The following INO80C variants were observed in gnomAD, a reference collection of about 807,000 sequenced individuals.
INO80C encodes the protein IES6 homolog.
A neutral mutation model predicts 17.7 loss-of-function variants in INO80C; 17 were observed. The ratio of observed to expected loss-of-function variants is 0.96; its 90% CI spans 0.66 to 1.44. The LOEUF (loss-of-function observed/expected upper bound fraction) is 1.44. Ranked by LOEUF, INO80C falls within the 40% of genes most tolerant of loss-of-function variation. The pLI, the probability that INO80C is intolerant of heterozygous loss-of-function variation, is 0.00. For synonymous variants in INO80C, 96 were observed against 95.8 expected (o/e 1.00, Z -0.01); for missense variants, 244 against 245.0 (o/e 1.00, Z 0.03).
At chr18:35,474,023 T>C (rs899867865) in intron 4 of INO80C, among the ~76,000 whole-genome samples, 2 of 151,506 alleles carry the variant, frequency 1.3e-5, no homozygotes, top group Non-Finnish European at 2.9e-5. Context: ...AACTTGTAGA[T>C]GCAAAGAAAC....
rs959878403 is a variant in INO80C, at chr18:35,497,394, C to G, written c.156+325G>C. The G allele has an allele frequency of 5.5e-6, 6 of 1,097,374 alleles. 1 individual carries two copies. The highest frequency in any genetic ancestry group is 9.8e-5 in the Admixed American group (2 of 20,478). 68.0% of individuals were successfully genotyped at this position (1,097,374 alleles called of 1,614,324 possible). A position where few individuals can be genotyped will look rare whatever the true frequency, so the allele number is the denominator to read the frequency against. On this transcript the variant is annotated intron_variant, in intron 1 of 4. Transcript: ENST00000334598. ...CTGCAGAATGGACGAGGGGAAGACA[C>G]GCAAATTTCTGAATGACTGACACTC...
At position 35,489,488 on chromosome 18, in the gene INO80C, A is replaced by T. The variant is rs1054138326; in HGVS notation, c.156+8231T>A. Reference sequence around the variant, plus strand: ...GAGGATTATTCACTACCATGAGAACAGTATGGGAGAAACTGCCCCCATGAT... The same window carrying T: ...GAGGATTATTCACTACCATGAGAACTGTATGGGAGAAACTGCCCCCATGAT... On this transcript the variant is annotated intron_variant, in intron 1 of 4. Transcript: ENST00000334598. The T allele has an allele frequency of 5.1e-5, 8 of 156,882 alleles. No homozygotes were observed. In the Admixed American group the frequency reaches 5.2e-4, roughly 10 times the overall value. The allele number at this position is 156,882 out of a possible 1,614,324, so 9.7% of individuals were successfully genotyped here.
intron 1 of INO80C, among the ~76,000 whole-genome samples, chr18:35,481,484 G>A (rs754922702): frequency 1.2e-4 from 19 of 152,160 alleles, no homozygotes; most frequent in Non-Finnish European, 2.2e-4. Context: ...AACGGCAACC[G>A]CTGTTCTAAT....
rs1296097038 is a variant in INO80C, at chr18:35,468,776, G to A, written c.448-34C>T. On this transcript the variant is annotated intron_variant, in intron 4 of 4. Transcript: ENST00000334598. ...AAAGAGGCACAGGGAAGGGCAGAAA[G>A]TTTTTGCTGGTAGGGATATTTTAAG... 2.5e-6 allele frequency: 4 copies of A among 1,594,452 alleles called. No homozygotes were observed. In the Admixed American group the frequency reaches 6.9e-5, roughly 27 times the overall value.
chr18:35,488,132 T>C (rs1013416747), intron 1 of INO80C, among the ~76,000 whole-genome samples: 8 of 152,224 alleles, frequency 5.3e-5, no homozygotes, highest in African/African-American at 1.9e-4. Context: ...GTTGAGTGTC[T>C]GTGTCTTTTC....
chr18:35,485,342 T>C (rs1402542728), intron 1 of INO80C, among the ~76,000 whole-genome samples: 1 of 152,130 alleles, frequency 6.6e-6, no homozygotes, highest in African/African-American at 2.4e-5. Context: ...AAATCCAGAA[T>C]ATATGAAGAA....
chr18:35,476,769 T>C lies in INO80C; in HGVS notation c.447+1513A>G, dbSNP rs2045742144. 1.3e-5 allele frequency among the ~76,000 whole-genome samples: 2 copies of C among 152,016 alleles called. 1 individual carries two copies. Among genetic ancestry groups the C allele is most frequent in the South Asian group, 4.1e-4 (2 of 4,822 alleles). ...TAATCCCAGCACTTTGAGAGGCTGA[T>C]GTTGGGAGATCACTTGAGCCAAGGA... On this transcript the variant is annotated intron_variant, in intron 4 of 4. Transcript: ENST00000334598.
chr18:35,477,159 G>A (rs560429029), intron 4 of INO80C, among the ~76,000 whole-genome samples: 2 of 152,314 alleles, frequency 1.3e-5, no homozygotes, highest in East Asian at 1.9e-4. Context: ...CAGGATAATC[G>A]CTTGAACCCA....
chr18:35,492,703 C>T (rs1453887390), intron 1 of INO80C, among the ~76,000 whole-genome samples: 1 of 152,016 alleles, frequency 6.6e-6, no homozygotes, highest in Non-Finnish European at 1.5e-5. Flanking sequence ...ATCTGGCTGC[C>T]CCTCCAATTA....
At chr18:35,487,076 A>T (rs547740359) in intron 1 of INO80C, among the ~76,000 whole-genome samples, 8 of 152,338 alleles carry the variant, frequency 5.3e-5, no homozygotes, top group African/African-American at 1.9e-4. Context: ...ATAACTTTAC[A>T]TTGGAGAAAC....
chr18:35,470,352 T>TATAAA (rs34999022), intron 4 of INO80C, among the ~76,000 whole-genome samples: 59,556 of 151,752 alleles, frequency 0.39, 11,963 homozygotes, highest in East Asian at 0.6. Flanking sequence ...AATGGCTCTA[T>TATAAA]ATAAAACTTC....
At chr18:35,497,374 G>T (rs534915773) in intron 1 of INO80C, 4 of 1,072,354 alleles carry the variant, frequency 3.7e-6, no homozygotes, top group Admixed American at 1.0e-4. Context: ...GATGTCTGCA[G>T]AATGGACGAG....
chr18:35,488,235 G>C (rs549684837), intron 1 of INO80C, among the ~76,000 whole-genome samples: 32 of 152,344 alleles, frequency 2.1e-4, no homozygotes, highest in African/African-American at 7.2e-4. Context: ...CAGTTTCCCA[G>C]TGGGGACTCT....
intron 1 of INO80C, among the ~76,000 whole-genome samples, chr18:35,481,379 C>A (rs1202650194): frequency 6.6e-6 from 1 of 152,210 alleles, no homozygotes; most frequent in African/African-American, 2.4e-5. Flanking sequence ...GATTTACATA[C>A]AGTGAAATAC....
chr18:35,480,586 T>C, intron 1 of INO80C, 23 bp from the exon 2 acceptor site: 3 of 1,558,332 alleles, frequency 1.9e-6, no homozygotes, highest in Non-Finnish European at 1.8e-6. Flanking sequence ...TAAAAATAGT[T>C]TGAAGAAGTC....
Position 35,495,898 on chromosome 18 carries a change from T to C in INO80C, c.156+1821A>G, listed in dbSNP as rs529540572. On this transcript the variant is annotated intron_variant, in intron 1 of 4. Transcript: ENST00000334598. Reference sequence around the variant, plus strand: ...AGATCTGGAATGTCCAACAAGCTCATGAAAAGTGATTGATATCATTAGCCA... The same window carrying C: ...AGATCTGGAATGTCCAACAAGCTCACGAAAAGTGATTGATATCATTAGCCA... Among the ~76,000 whole-genome samples, 49 of 152,220 alleles carry C rather than the reference T, an allele frequency of 3.2e-4. 1 individual carries two copies. In the South Asian group the frequency reaches 1.0e-2, roughly 31 times the overall value.
intron 4 of INO80C, among the ~76,000 whole-genome samples, chr18:35,472,643 CT>C (rs2045684339): frequency 6.6e-6 from 1 of 152,010 alleles, no homozygotes; most frequent in Non-Finnish European, 1.5e-5. Context: ...AGAGGTTTTT[CT>C]TTTTTTTAAT....
intron 1 of INO80C, among the ~76,000 whole-genome samples, chr18:35,493,596 T>C (rs1301884975): frequency 1.3e-5 from 2 of 152,216 alleles, no homozygotes; most frequent in African/African-American, 4.8e-5. Context: ...CTCAGAATAC[T>C]TTTAGCTGAA....
intron 1 of INO80C, among the ~76,000 whole-genome samples, chr18:35,482,640 C>T (rs1473824292): frequency 6.6e-6 from 1 of 152,116 alleles, no homozygotes; most frequent in African/African-American, 2.4e-5. Context: ...CTTAGCTTTT[C>T]TTCCCTCCAA....
Sources: gnomAD v4.1 joint callset for allele counts (sites outside exome capture counted in the v4.1 genomes callset) on GRCh38, gnomAD v4.1.1 for gene constraint, MANE v1.5 for transcripts, NCBI Gene and HGNC (gene_info 2026-07-23, HGNC 2026-07-21) for gene names.